Variants in PGBD4 observed in about 807,000 individuals in gnomAD.
PGBD4 encodes piggyBac transposable element-derived protein 4.
Under a neutral mutation model 0.3 loss-of-function variants are expected in PGBD4, and 1 was observed. The ratio of observed to expected loss-of-function variants is 3.72; its 90% confidence interval spans 1.32 to 17.64. PGBD4 has a LOEUF of 17.64. PGBD4 is among the 30% of genes most tolerant of loss of function. The pLI is 0.11. For missense variants in PGBD4, 624 were observed against 719.7 expected (o/e 0.87, Z 1.52); for synonymous variants, 253 against 267.7 (o/e 0.95, Z 0.54).
chr15:34,103,500 C>T lies in PGBD4; in HGVS notation c.969C>T (p.Gly323=). ...IVLTLVNDLL[G]QGYCVFLDNF... ...TTACCTTGGTCAATGACCTTCTTGG[C>T]CAAGGGTATTGTGTCTTCCTCGATA... is the stretch of plus-strand genomic sequence containing the variant. Residue 323 remains glycine (G), a synonymous_variant, in exon 1 of 1, where the codon GGC becomes GGT. Coordinates refer to ENST00000397766, the MANE Select transcript of PGBD4 (RefSeq NM_152595.5). This position sits in a 1 kb window ranked among gnomAD's most constrained non-coding sequence, Gnocchi z 4.6. 1 of 1,614,160 alleles carries T rather than the reference C, an allele frequency of 6.2e-7. No homozygotes were observed. Among genetic ancestry groups the T allele is most frequent in the Non-Finnish European group, 8.5e-7 (1 of 1,180,032 alleles).
Position 34,102,084 on chromosome 15 carries a change from C to A in PGBD4, c.-448C>A. ...CGGCGCACAGAGCCTGTGTCAAGTGCCTATGAAGGGGACTGCCCATGAAGT... is the reference window on the plus strand; with the variant it reads ...CGGCGCACAGAGCCTGTGTCAAGTGACTATGAAGGGGACTGCCCATGAAGT... On this transcript the variant is annotated 5_prime_UTR_variant, in exon 1 of 1. Coordinates refer to ENST00000397766, the MANE Select transcript of PGBD4 (RefSeq NM_152595.5). The surrounding 1 kb of genome is among the most constrained non-coding windows in gnomAD (Gnocchi z 4.7). 1 of 556,704 alleles carries A rather than the reference C, an allele frequency of 1.8e-6. No individual in the cohort carries two copies. The highest frequency in any genetic ancestry group is 3.1e-6 in the Non-Finnish European group (1 of 318,756). 34.5% of individuals were successfully genotyped at this position (556,704 alleles called of 1,614,324 possible).
chr15:34,103,178 A>C lies in PGBD4; in HGVS notation c.647A>C (p.Gln216Pro). ...AACAATTCTTCTATATCTGCTGGTC[A>C]ATCAAAGGCCCAGATTTCATTGCAG... ...FVNNSSISAG[Q>P]SKAQISLQKI... Residue 216 changes from glutamine to proline, a missense_variant, in exon 1 of 1, where the codon CAA (glutamine) becomes CCA (proline). Transcript: ENST00000397766. This position sits in a 1 kb window ranked among gnomAD's most constrained non-coding sequence, Gnocchi z 4.6. 6.2e-7 allele frequency: 1 copy of C among 1,614,058 alleles called. No homozygotes were observed.
chr15:34,102,719 G>A lies in PGBD4; in HGVS notation c.188G>A (p.Ser63Asn). The part of the protein sequence containing the change: ...PLSHLESDGK[S>N]STSSDSGRSM... ...TCCCATTTAGAATCTGATGGAAAGA[G>A]CTCTACATCAAGTGACTCAGGGCGC... The change falls in exon 1 of 1, where the codon AGC (serine) becomes AAC (asparagine). Residue 63 changes from serine (S) to asparagine (N), a missense_variant. Physicochemically the swap from Ser to Asn is conservative, Grantham distance 46. Coordinates refer to ENST00000397766, the MANE Select transcript of PGBD4 (RefSeq NM_152595.5). The surrounding 1 kb of genome is among the most constrained non-coding windows in gnomAD (Gnocchi z 4.7). 1 of 1,614,140 alleles carries A rather than the reference G, an allele frequency of 6.2e-7. No individual in the cohort carries two copies. Among genetic ancestry groups the A allele is most frequent in the South Asian group, 1.1e-5 (1 of 91,086 alleles).
chr15:34,102,605 A>C lies in PGBD4; in HGVS notation c.74A>C (p.Asp25Ala), dbSNP rs760164780. Residue 25 changes from aspartate (D) to alanine (A), a missense_variant, in exon 1 of 1, where the codon GAT becomes GCT. Coordinates refer to ENST00000397766, the MANE Select transcript of PGBD4 (RefSeq NM_152595.5). This position sits in a 1 kb window ranked among gnomAD's most constrained non-coding sequence, Gnocchi z 4.7. ...NTGLEQLLAE[D>A]SFDESDFSEI... ...GGTCTCGAACAGTTGTTGGCTGAAG[A>C]TTCATTTGATGAATCTGATTTTTCG... 6 of 1,611,694 alleles carry C rather than the reference A, an allele frequency of 3.7e-6. No individual in the cohort carries two copies. Among genetic ancestry groups the C allele is most frequent in the Non-Finnish European group, 5.1e-6 (6 of 1,178,932 alleles).
chr15:34,105,486 G>C lies in PGBD4; in HGVS notation c.*1197G>C, dbSNP rs1224771816. ...AAGAGTAACAGCAATTGAAAAAAGA[G>C]ATTCAAGAGCCAAGTACTCAGCCCT... On this transcript the variant is annotated 3_prime_UTR_variant, in exon 1 of 1. Coordinates refer to ENST00000397766, the MANE Select transcript of PGBD4 (RefSeq NM_152595.5). 1 of 167,072 alleles carries C rather than the reference G, an allele frequency of 6.0e-6. No individual in the cohort carries two copies. Among genetic ancestry groups the C allele is most frequent in the Non-Finnish European group, 1.5e-5 (1 of 68,130 alleles). 10.3% of individuals were successfully genotyped at this position (167,072 alleles called of 1,614,324 possible).
rs753518099 is a variant in PGBD4, at chr15:34,102,510, A to G, written c.-22A>G. On this transcript the variant is annotated 5_prime_UTR_variant, in exon 1 of 1. It adds an upstream start codon to the 5' untranslated region. Coordinates refer to ENST00000397766, the MANE Select transcript of PGBD4 (RefSeq NM_152595.5). This position sits in a 1 kb window ranked among gnomAD's most constrained non-coding sequence, Gnocchi z 4.7. ...GTAGTGGGATTTCCATCTACAAAAT[A>G]TAGTAATTCTCGATCGCTGAAATGT... is the stretch of plus-strand genomic sequence containing the variant. The G allele has an allele frequency of 3.4e-6, 5 of 1,486,878 alleles. No homozygotes were observed. The highest frequency in any genetic ancestry group is 4.5e-6 in the Non-Finnish European group (5 of 1,119,746). The allele number at this position is 1,486,878 out of a possible 1,614,324, so 92.1% of individuals were successfully genotyped here.
At position 34,103,732 on chromosome 15, in the gene PGBD4, A is replaced by G. The variant is rs369406137; in HGVS notation, c.1201A>G (p.Asn401Asp). 74 of 1,614,114 alleles carry G rather than the reference A, an allele frequency of 4.6e-5. No homozygotes were observed. The highest frequency in any genetic ancestry group is 5.7e-5 in the Non-Finnish European group (67 of 1,180,048). Reference sequence around the variant, plus strand: ...GGTGACAATGTTGTCAACATTCCACAATGATACTGTGATTGAAGTAAACAA... The same window carrying G: ...GGTGACAATGTTGTCAACATTCCACGATGATACTGTGATTGAAGTAAACAA... ...KEVTMLSTFHNDTVIEVNNRN... is the reference protein window; with the variant it reads ...KEVTMLSTFHDDTVIEVNNRN... The change falls in exon 1 of 1, where the codon AAT (asparagine) becomes GAT (aspartate). Residue 401 changes from asparagine (N) to aspartate (D), a missense_variant. Physicochemically the swap from Asn to Asp is conservative, Grantham distance 23 (BLOSUM62 1). Transcript: ENST00000397766. This position sits in a 1 kb window ranked among gnomAD's most constrained non-coding sequence, Gnocchi z 4.6.
chr15:34,105,892 C>T lies in PGBD4; in HGVS notation c.*1603C>T, dbSNP rs910653321. The T allele has an allele frequency of 6.0e-6, 1 of 166,980 alleles. No individual in the cohort carries two copies. Among genetic ancestry groups the T allele is most frequent in the African/African-American group, 2.4e-5 (1 of 41,456 alleles). The allele number at this position is 166,980 out of a possible 1,614,324, so 10.3% of individuals were successfully genotyped here. On this transcript the variant is annotated 3_prime_UTR_variant, in exon 1 of 1. Coordinates refer to ENST00000397766, the MANE Select transcript of PGBD4 (RefSeq NM_152595.5). ...AAGATCAGTGCTGATTTTAATCAGA[C>T]TGTAATGTACCAACTAGATACAGAC... is the stretch of plus-strand genomic sequence containing the variant.
rs1007583108 is a variant in PGBD4, at chr15:34,104,096, G to C, written c.1565G>C (p.Arg522Thr). The C allele has an allele frequency of 1.9e-6, 3 of 1,614,066 alleles. No homozygotes were observed. The highest frequency in any genetic ancestry group is 2.5e-6 in the Non-Finnish European group (3 of 1,180,040). Residue 522 changes from arginine (R) to threonine (T), a missense_variant, in exon 1 of 1, where the codon AGA becomes ACA. Coordinates refer to ENST00000397766, the MANE Select transcript of PGBD4 (RefSeq NM_152595.5). ...GTCACACCTCTTCGTCTGTCTGGAA[G>C]ACATTTCCCCAAGAGCATACCAGCA... ...DDVTPLRLSGRHFPKSIPATS... is the reference protein window; with the variant it reads ...DDVTPLRLSGTHFPKSIPATS...
chr15:34,107,230 T>C lies in PGBD4; in HGVS notation c.*2941T>C, dbSNP rs1887778368. On this transcript the variant is annotated 3_prime_UTR_variant, in exon 1 of 1. Coordinates refer to ENST00000397766, the MANE Select transcript of PGBD4 (RefSeq NM_152595.5). ...ATACTATAAATGCACTTCCGCACTT[T>C]GCTCTTTTTACTAAATATATCTTGG... 1 of 152,184 alleles carries C rather than the reference T, an allele frequency of 6.6e-6. No individual in the cohort carries two copies. Among genetic ancestry groups the C allele is most frequent in the Admixed American group, 6.5e-5 (1 of 15,278 alleles). The allele number at this position is 152,184 out of a possible 1,614,324, so 9.4% of individuals were successfully genotyped here. A position where few individuals can be genotyped will look rare whatever the true frequency, so the allele number is the denominator to read the frequency against.
In PGBD4 at chr15:34,104,886, C is replaced by T. The variant is rs1901250823; in HGVS notation, c.*597C>T. On this transcript the variant is annotated 3_prime_UTR_variant, in exon 1 of 1. Coordinates refer to ENST00000397766, the MANE Select transcript of PGBD4 (RefSeq NM_152595.5). ...TCTTGACCTCCCGACCTCAGGTGAT[C>T]CGCCTATCTGGGCCTCACAAAGTCC... The T allele has an allele frequency of 6.6e-6, 1 of 152,166 alleles. No individual in the cohort carries two copies. Among genetic ancestry groups the T allele is most frequent in the Non-Finnish European group, 1.5e-5 (1 of 68,038 alleles). The allele number at this position is 152,166 out of a possible 1,614,324, so 9.4% of individuals were successfully genotyped here. A position where few individuals can be genotyped will look rare whatever the true frequency, so the allele number is the denominator to read the frequency against.
At position 34,103,366 on chromosome 15, in the gene PGBD4, G is replaced by A. The variant is rs905331328; in HGVS notation, c.835G>A (p.Val279Ile). The A allele has an allele frequency of 6.2e-7, 1 of 1,614,216 alleles. No individual in the cohort carries two copies. The highest frequency in any genetic ancestry group is 8.5e-7 in the Non-Finnish European group (1 of 1,180,046). ...KRVRFGLKLY[V>I]LCESQSGYVW... ...AGTACGATTTGGTCTGAAGCTATAT[G>A]TACTTTGTGAAAGTCAGTCTGGTTA... is the stretch of plus-strand genomic sequence containing the variant. The change falls in exon 1 of 1, where the codon GTA (valine) becomes ATA (isoleucine). Residue 279 changes from valine to isoleucine, a missense_variant. Transcript: ENST00000397766. The surrounding 1 kb of genome is among the most constrained non-coding windows in gnomAD (Gnocchi z 4.6).
In PGBD4 at chr15:34,108,185, A is replaced by T. The variant is rs973682762; in HGVS notation, c.*3896A>T. ...ACCATGTTGGCCAGGCTGGTCTCAA[A>T]CTCCTGACCTCAGGTAATCCGCCTG... is the stretch of plus-strand genomic sequence containing the variant. On this transcript the variant is annotated 3_prime_UTR_variant, in exon 1 of 1. Coordinates refer to ENST00000397766, the MANE Select transcript of PGBD4 (RefSeq NM_152595.5). 6.6e-6 allele frequency: 1 copy of T among 151,252 alleles called. No individual in the cohort carries two copies. The highest frequency in any genetic ancestry group is 1.5e-5 in the Non-Finnish European group (1 of 67,906). 9.4% of individuals were successfully genotyped at this position (151,252 alleles called of 1,614,324 possible). A position where few individuals can be genotyped will look rare whatever the true frequency, so the allele number is the denominator to read the frequency against.
Position 34,103,901 on chromosome 15 carries a change from A to G in PGBD4, c.1370A>G (p.His457Arg), listed in dbSNP as rs1901227120. 2 of 1,613,960 alleles carry G rather than the reference A, an allele frequency of 1.2e-6. No individual in the cohort carries two copies. The highest frequency in any genetic ancestry group is 2.7e-5 in the African/African-American group (2 of 74,912). Residue 457 changes from histidine to arginine, a missense_variant, in exon 1 of 1, where the codon CAC becomes CGC. Coordinates refer to ENST00000397766, the MANE Select transcript of PGBD4 (RefSeq NM_152595.5). The surrounding 1 kb of genome is among the most constrained non-coding windows in gnomAD (Gnocchi z 4.6). The part of the protein sequence containing the change: ...RHKVWYKKFF[H>R]HLLHITVLNS... ...AAGGTTTGGTATAAGAAATTCTTTC[A>G]CCATCTTCTACACATTACAGTGCTG...
In PGBD4 at chr15:34,102,389, G is replaced by C; in HGVS notation, c.-143G>C. The C allele has an allele frequency of 7.5e-7, 1 of 1,325,266 alleles. No individual in the cohort carries two copies. Among genetic ancestry groups the C allele is most frequent in the South Asian group, 1.7e-5 (1 of 60,024 alleles). 82.1% of individuals were successfully genotyped at this position (1,325,266 alleles called of 1,614,324 possible). The stretch of plus-strand genomic sequence containing the variant: ...AGTGCCAACCTTACTCCCAAAGTTT[G>C]CCACGAAATATCTCGCTTCTGTTAT... On this transcript the variant is annotated 5_prime_UTR_variant, in exon 1 of 1. Transcript: ENST00000397766. This position sits in a 1 kb window ranked among gnomAD's most constrained non-coding sequence, Gnocchi z 4.7.
Position 34,103,483 on chromosome 15 carries a change from G to C in PGBD4, c.952G>C (p.Val318Leu). The change falls in exon 1 of 1, where the codon GTC becomes CTC. Residue 318 changes from valine to leucine, a missense_variant. Coordinates refer to ENST00000397766, the MANE Select transcript of PGBD4 (RefSeq NM_152595.5). The surrounding 1 kb of genome is among the most constrained non-coding windows in gnomAD (Gnocchi z 4.6). ...ATCATCACGCATTGTTCTTACCTTG[G>C]TCAATGACCTTCTTGGCCAAGGGTA... ...LKSSRIVLTLVNDLLGQGYCV... is the reference protein window; with the variant it reads ...LKSSRIVLTLLNDLLGQGYCV... The C allele has an allele frequency of 6.2e-7, 1 of 1,614,140 alleles. No individual in the cohort carries two copies. Among genetic ancestry groups the C allele is most frequent in the South Asian group, 1.1e-5 (1 of 91,082 alleles).
At position 34,108,547 on chromosome 15, in the gene PGBD4, A is replaced by G. The variant is rs565227610; in HGVS notation, c.*4258A>G. 6.6e-6 allele frequency: 1 copy of G among 152,322 alleles called. No homozygotes were observed. The highest frequency in any genetic ancestry group is 6.5e-5 in the Admixed American group (1 of 15,308). 9.4% of individuals were successfully genotyped at this position (152,322 alleles called of 1,614,324 possible). A position where few individuals can be genotyped will look rare whatever the true frequency, so the allele number is the denominator to read the frequency against. On this transcript the variant is annotated 3_prime_UTR_variant, in exon 1 of 1. Coordinates refer to ENST00000397766, the MANE Select transcript of PGBD4 (RefSeq NM_152595.5). ...AAAAGATTATTTGAGAAATAATGGAATGGGACAAAGGATTATAATGTGCTA... is the reference window on the plus strand; with the variant it reads ...AAAAGATTATTTGAGAAATAATGGAGTGGGACAAAGGATTATAATGTGCTA...
chr15:34,104,175 C>T lies in PGBD4; in HGVS notation c.1644C>T (p.Tyr548=), dbSNP rs1229981343. 3.7e-6 allele frequency: 6 copies of T among 1,613,992 alleles called. No homozygotes were observed. Among genetic ancestry groups the T allele is most frequent in the African/African-American group, 2.7e-5 (2 of 74,898 alleles). ...TGRCKICCSQ[Y]DKDGKKIRKE... Reference sequence around the variant, plus strand: ...GCTGCAAAATTTGCTGCTCCCAATACGACAAGGATGGCAAGAAGATCCGGA... The same window carrying T: ...GCTGCAAAATTTGCTGCTCCCAATATGACAAGGATGGCAAGAAGATCCGGA... Residue 548 remains tyrosine (Y), a synonymous_variant, in exon 1 of 1, where the codon TAC becomes TAT. Coordinates refer to ENST00000397766, the MANE Select transcript of PGBD4 (RefSeq NM_152595.5).
Position 34,102,371 on chromosome 15 carries a change from AC to A in PGBD4, c.-159del, listed in dbSNP as rs1295450237. 8.6e-7 allele frequency: 1 copy of A among 1,166,840 alleles called. No homozygotes were observed. Among genetic ancestry groups the A allele is most frequent in the South Asian group, 1.7e-5 (1 of 57,590 alleles). 72.3% of individuals were successfully genotyped at this position (1,166,840 alleles called of 1,614,324 possible). ...AGATAACTCGTGGATTACAGTGCCA[AC>A]CTTACTCCCAAAGTTTGCCACGAAA... On this transcript the variant is annotated 5_prime_UTR_variant, in exon 1 of 1. An upstream open reading frame in the 5' UTR gains an earlier in-frame stop. Coordinates refer to ENST00000397766, the MANE Select transcript of PGBD4 (RefSeq NM_152595.5). This position sits in a 1 kb window ranked among gnomAD's most constrained non-coding sequence, Gnocchi z 4.7.
Sources: allele counts gnomAD v4.1 joint callset, GRCh38; gene constraint gnomAD v4.1.1; non-coding constraint Gnocchi (gnomAD v3.1); transcripts MANE v1.5; gene names NCBI Gene and HGNC (gene_info 2026-07-23, HGNC 2026-07-21).